CPLANE1: variants seen among roughly 807,000 people sequenced by gnomAD.
CPLANE1 encodes the protein ciliogenesis and planar polarity effector 1.
Under a neutral mutation model 362.5 loss-of-function variants are expected in CPLANE1, and 263 were observed. The ratio of observed to expected loss-of-function variants is 0.73; its 90% CI spans 0.66 to 0.80. The LOEUF (loss-of-function observed/expected upper bound fraction) is 0.80. CPLANE1 is among the 30% of genes least tolerant of loss of function. The pLI, the probability that CPLANE1 is intolerant of heterozygous loss-of-function variation, is 0.00. For synonymous variants in CPLANE1, 1,212 were observed against 1,302.6 expected, an observed-to-expected ratio of 0.93 and a Z score of 1.50; for missense variants, 3,461 against 3,793.4, an observed-to-expected ratio of 0.91 and a Z score of 2.30.
Position 37,198,859 on chromosome 5 carries a change from C to T in CPLANE1, c.3515G>A (p.Gly1172Asp), listed in dbSNP as rs766202411. ...TTCAGCTTTTAAAAGAAGATCATCA[C>T]CATCTTCCTGAGGAAAATAAAACAA... ...PQPAILSEED[G>D]DDLLLKAEKN... The change falls in exon 20 of 53, where the codon GGT (glycine) becomes GAT (aspartate). Residue 1172 changes from glycine to aspartate, a missense_variant. Physicochemically the swap from Gly to Asp is moderately conservative, Grantham distance 94. Transcript: ENST00000651892. 4.3e-6 allele frequency: 7 copies of T among 1,613,504 alleles called. No homozygotes were observed. Among genetic ancestry groups the T allele is most frequent in the African/African-American group, 2.7e-5 (2 of 74,954 alleles).
chr5:37,189,635 T>C (rs879274087), intron 21 of CPLANE1, among the ~76,000 whole-genome samples: 2 of 152,194 alleles, frequency 1.3e-5, no homozygotes, highest in African/African-American at 2.4e-5. Flanking sequence ...TTTTATTAGT[T>C]ACTAGGCTAT....
At chr5:37,243,919 C>T (rs1456458693) in intron 5 of CPLANE1, among the ~76,000 whole-genome samples, 1 of 150,246 alleles carries the variant, frequency 6.7e-6, no homozygotes, top group African/African-American at 2.5e-5. Context: ...GGCACGATCT[C>T]GGCTCACTGC....
At chr5:37,244,883 C>T (rs1372046057) in intron 4 of CPLANE1, among the ~76,000 whole-genome samples, 1 of 151,616 alleles carries the variant, frequency 6.6e-6, no homozygotes, top group Non-Finnish European at 1.5e-5. Context: ...GCCTGAGTGA[C>T]AGAACAAGAT....
downstream of CPLANE1, among the ~76,000 whole-genome samples, chr5:37,103,434 CT>C (rs1241288800): frequency 6.6e-6 from 1 of 152,128 alleles, no homozygotes; most frequent in Non-Finnish European, 1.5e-5. Flanking sequence ...ATTTTGCAGA[CT>C]TGTTTTATGT....
the CPLANE1 span, among the ~76,000 whole-genome samples, chr5:37,081,661 G>T: frequency 6.6e-6 from 1 of 151,726 alleles, no homozygotes; most frequent in Non-Finnish European, 1.5e-5. Context: ...AGACAATAGG[G>T]CAGAAAAAAA....
chr5:37,077,125 G>A, the CPLANE1 span, among the ~76,000 whole-genome samples: 6 of 152,092 alleles, frequency 3.9e-5, no homozygotes, highest in South Asian at 2.1e-4. Flanking sequence ...GCTCTAAGGC[G>A]AATCAGATGA....
intron 8 of CPLANE1, among the ~76,000 whole-genome samples, chr5:37,234,753 A>C (rs1798567314): frequency 6.6e-6 from 1 of 152,164 alleles, no homozygotes; most frequent in African/African-American, 2.4e-5. Flanking sequence ...TATATTCAGA[A>C]TGTGTTAAAT....
chr5:37,076,260 A>G, the CPLANE1 span, among the ~76,000 whole-genome samples: 5 of 151,894 alleles, frequency 3.3e-5, no homozygotes, highest in Non-Finnish European at 4.4e-5. Flanking sequence ...TCTCAAAAAA[A>G]AAAAAAAGAA....
intron 4 of CPLANE1, among the ~76,000 whole-genome samples, chr5:37,245,180 T>A (rs982615062): frequency 2.7e-5 from 4 of 150,358 alleles, no homozygotes; most frequent in Non-Finnish European, 5.9e-5. Context: ...AATAGCAACA[T>A]TTATCAAGTA....
chr5:37,197,241 G>A (rs1580649025), intron 20 of CPLANE1, among the ~76,000 whole-genome samples: 1 of 152,252 alleles, frequency 6.6e-6, no homozygotes, highest in East Asian at 1.9e-4. Flanking sequence ...ATAAACCTGG[G>A]AAGGAAGCAT....
chr5:37,132,931 T>A (rs1262279414), intron 46 of CPLANE1, among the ~76,000 whole-genome samples: 1 of 152,216 alleles, frequency 6.6e-6, no homozygotes, highest in East Asian at 1.9e-4. Flanking sequence ...GTTTTATTCA[T>A]CTTGTGTTAA....
chr5:37,077,279 T>C, the CPLANE1 span, among the ~76,000 whole-genome samples: 13 of 152,156 alleles, frequency 8.5e-5, no homozygotes, highest in Admixed American at 8.5e-4. Context: ...AACAGCTGCA[T>C]GCCCCTGTTC....
chr5:37,083,381 C>G, the CPLANE1 span, among the ~76,000 whole-genome samples: 63 of 152,134 alleles, frequency 4.1e-4, 1 homozygote, highest in Middle Eastern at 6.8e-3. Flanking sequence ...CATTAACACC[C>G]CCAGAAAATC....
chr5:37,163,664 A>T (rs1777471993), intron 37 of CPLANE1, among the ~76,000 whole-genome samples: 1 of 152,168 alleles, frequency 6.6e-6, no homozygotes, highest in East Asian at 1.9e-4. Flanking sequence ...ATTTCCTGAT[A>T]GGAGTGTCTG....
At chr5:37,243,920 G>A (rs1339971016) in intron 5 of CPLANE1, among the ~76,000 whole-genome samples, 9 of 150,012 alleles carry the variant, frequency 6.0e-5, no homozygotes, top group Admixed American at 4.0e-4. Flanking sequence ...GCACGATCTC[G>A]GCTCACTGCA....
intron 23 of CPLANE1, among the ~76,000 whole-genome samples, chr5:37,187,105 T>C (rs1784304555): frequency 6.8e-6 from 1 of 147,200 alleles, no homozygotes; most frequent in African/African-American, 2.6e-5. Context: ...CACTATATTG[T>C]ACATTGGATC....
At chr5:37,102,521 G>T (rs557890471), downstream of CPLANE1, among the ~76,000 whole-genome samples, 1 of 152,132 alleles carries the variant, frequency 6.6e-6, no homozygotes, top group South Asian at 2.1e-4. Context: ...TTGTTGATTT[G>T]AGACCTTTTT....
chr5:37,167,929 G>T (rs1393793810), intron 34 of CPLANE1, among the ~76,000 whole-genome samples: 1 of 152,172 alleles, frequency 6.6e-6, no homozygotes, highest in African/African-American at 2.4e-5. Context: ...CTGAAGCCTT[G>T]GGAATTGGGT....
the CPLANE1 span, among the ~76,000 whole-genome samples, chr5:37,084,507 T>C: frequency 5.5e-4 from 84 of 152,146 alleles, no homozygotes; most frequent in Admixed American, 2.9e-3. Flanking sequence ...GGGCCAGGTG[T>C]GGTGGCTCAC....
Sources: allele counts gnomAD v4.1 joint callset (sites outside exome capture counted in the v4.1 genomes callset), GRCh38; gene constraint gnomAD v4.1.1; transcripts MANE v1.5; gene names NCBI Gene and HGNC (gene_info 2026-07-23, HGNC 2026-07-21).